VDR: variants seen among roughly 807,000 people sequenced by gnomAD.
The protein encoded by VDR is vitamin D3 receptor.
In VDR, 19 loss-of-function variants were observed where a neutral mutation model predicts 39.7. The observed-to-expected ratio is 0.48, with a 90% CI of 0.33 to 0.70. The LOEUF is 0.70. Among genes scored for constraint, VDR ranks in the 30% least tolerant of loss-of-function variants. The probability of loss-of-function intolerance (pLI) is 0.02; values close to 1 mark genes in which losing one functional copy is unlikely to be tolerated. For synonymous variants in VDR, 242 were observed against 215.8 expected (o/e 1.12, Z -1.07); for missense variants, 442 against 570.5 (o/e 0.77, Z 2.29).
chr12:47,885,389 G>A (rs1592143058), intron 1 of VDR, among the ~76,000 whole-genome samples: 4 of 152,248 alleles, frequency 2.6e-5, no homozygotes, highest in Admixed American at 2.6e-4. Context: ...ACGTCTGCCT[G>A]TCAGCCCACA....
chr12:47,879,263 G>A lies in VDR; in HGVS notation c.-2-148C>T, dbSNP rs992678530. 14 of 967,132 alleles carry A rather than the reference G, an allele frequency of 1.4e-5. No homozygotes were observed. In the African/African-American group the frequency reaches 1.7e-4, roughly 11 times the overall value. 59.9% of individuals were successfully genotyped at this position (967,132 alleles called of 1,614,324 possible). On this transcript the variant is annotated intron_variant, in intron 2 of 9. Transcript: ENST00000549336. ...CAGCAAGGGTGGGCATCTCCCCAGG[G>A]CCCAGGCCTGAGCACAGTGCCTTCG...
chr12:47,895,180 A>G (rs1946442054), intron 1 of VDR, among the ~76,000 whole-genome samples: 1 of 152,254 alleles, frequency 6.6e-6, no homozygotes, highest in South Asian at 2.1e-4. Context: ...GAGGAGGAAT[A>G]AATTCAGGTA....
intron 5 of VDR, 73 bp from the exon 6 acceptor site, chr12:47,857,322 G>T (rs1023180722): frequency 4.3e-6 from 7 of 1,612,272 alleles, no homozygotes; most frequent in Non-Finnish European, 5.9e-6. Context: ...ATCTCTGATA[G>T]GAATGGCTTT....
intron 3 of VDR, among the ~76,000 whole-genome samples, chr12:47,871,304 T>TTCTTTC (rs1481749072): frequency 8.1e-6 from 1 of 123,494 alleles, no homozygotes; most frequent in Non-Finnish European, 1.7e-5. Flanking sequence ...CTTTCTTTCT[T>TTCTTTC]TCTTTCTTTC....
intron 3 of VDR, among the ~76,000 whole-genome samples, chr12:47,871,317 T>C (rs1160451844): frequency 7.1e-6 from 1 of 140,384 alleles, no homozygotes; most frequent in Non-Finnish European, 1.5e-5. Context: ...TTTCTTTCTT[T>C]CTTTCTTTCT....
chr12:47,876,713 AGCC>A (rs1946013617), intron 3 of VDR, among the ~76,000 whole-genome samples: 1 of 152,262 alleles, frequency 6.6e-6, no homozygotes, highest in Non-Finnish European at 1.5e-5. Flanking sequence ...TTTCACACTC[AGCC>A]TGGGGCATGA....
At chr12:47,865,336 C>T (rs976289382) in intron 3 of VDR, among the ~76,000 whole-genome samples, 159 bp from the exon 4 acceptor site, 4 of 152,154 alleles carry the variant, frequency 2.6e-5, no homozygotes, top group Non-Finnish European at 5.9e-5. Flanking sequence ...CTAGGCTGGG[C>T]ACCAAACGAT....
rs1945200681 is a variant in VDR, at chr12:47,842,933, A to G, written c.*1813T>C. ...TACGTTCTGCAGCTAAAATCAAACA[A>G]GGGTCTCTCCCTAGACCCTTGTAAA... On this transcript the variant is annotated 3_prime_UTR_variant, in exon 10 of 10. Transcript: ENST00000549336. 1 of 152,248 alleles carries G rather than the reference A, an allele frequency of 6.6e-6. No homozygotes were observed. The highest frequency in any genetic ancestry group is 2.4e-5 in the African/African-American group (1 of 41,526). The allele number at this position is 152,248 out of a possible 1,614,324, so 9.4% of individuals were successfully genotyped here. A position where few individuals can be genotyped will look rare whatever the true frequency, so the allele number is the denominator to read the frequency against.
chr12:47,849,007 A>G (rs1945334138), intron 7 of VDR, among the ~76,000 whole-genome samples: 1 of 152,194 alleles, frequency 6.6e-6, no homozygotes, highest in African/African-American at 2.4e-5. Context: ...GAGGCCAATG[A>G]CTAGTTCCAC....
chr12:47,898,261 G>C (rs1946498084), intron 1 of VDR: 1 of 152,074 alleles, frequency 6.6e-6, no homozygotes, highest in South Asian at 2.1e-4. Context: ...CCAGAAATTG[G>C]GTCCCTAGGT....
chr12:47,902,594 A>G (rs1946586635), intron 1 of VDR, among the ~76,000 whole-genome samples: 1 of 152,190 alleles, frequency 6.6e-6, no homozygotes, highest in African/African-American at 2.4e-5. Context: ...GCAGGGACAA[A>G]TGGAAGCTGG....
intron 1 of VDR, among the ~76,000 whole-genome samples, chr12:47,903,847 G>A (rs759988469): frequency 5.9e-5 from 9 of 152,102 alleles, no homozygotes; most frequent in East Asian, 3.9e-4. Context: ...ATCCCTTCAC[G>A]GTCACCTCCT....
In VDR at chr12:47,842,070, C is replaced by T. The variant is rs1030881399; in HGVS notation, c.*2676G>A. On this transcript the variant is annotated 3_prime_UTR_variant, in exon 10 of 10. Coordinates refer to ENST00000549336, the MANE Select transcript of VDR (RefSeq NM_000376.3). ...GGTGGTGGGGCCCAGGGCTGAGTAA[C>T]TGATATTTCCAGGAGTTCCCCGAAG... 9 of 152,344 alleles carry T rather than the reference C, an allele frequency of 5.9e-5. No individual in the cohort carries two copies. Among genetic ancestry groups the T allele is most frequent in the Non-Finnish European group, 1.2e-4 (8 of 68,084 alleles). 9.4% of individuals were successfully genotyped at this position (152,344 alleles called of 1,614,324 possible).
chr12:47,878,796 G>A (rs1312241938), intron 3 of VDR, 172 bp downstream of exon 3: 2 of 1,023,328 alleles, frequency 2.0e-6, no homozygotes, highest in Non-Finnish European at 2.9e-6. Context: ...TGAGAGGAGG[G>A]AAAAGAAGAT....
At chr12:47,854,145 A>G (rs1486096047) in intron 7 of VDR, among the ~76,000 whole-genome samples, 1 of 152,086 alleles carries the variant, frequency 6.6e-6, no homozygotes, top group Non-Finnish European at 1.5e-5. Flanking sequence ...TTTTTGAGAC[A>G]GGGTCTTGCT....
chr12:47,890,444 G>A (rs1055898301), intron 1 of VDR, among the ~76,000 whole-genome samples: 9 of 150,926 alleles, frequency 6.0e-5, no homozygotes, highest in Non-Finnish European at 1.3e-4. Flanking sequence ...ACCTTCTAGA[G>A]CCAGCTCCTC....
intron 3 of VDR, 39 bp from the exon 4 acceptor site, chr12:47,865,216 C>A: frequency 6.2e-7 from 1 of 1,604,314 alleles, no homozygotes; most frequent in Admixed American, 1.7e-5. Flanking sequence ...GGTCACTGAA[C>A]TTCCGGCTCC....
rs566007841 is a variant in VDR at position 47,845,139 on chromosome 12, C to A, written c.1025-134G>T. 11 of 1,379,552 alleles carry A rather than the reference C, an allele frequency of 8.0e-6. No homozygotes were observed. The East Asian group carries it at 2.6e-4, about 32-fold the overall frequency. The allele number at this position is 1,379,552 out of a possible 1,614,324, so 85.5% of individuals were successfully genotyped here. ...AGGCCACCCCTCTATGACTGCTGAC[C>A]GGTGATACCACTGCCTGGCCCCAAA... On this transcript the variant is annotated intron_variant, in intron 9 of 9. Transcript: ENST00000549336.
rs1402849182 is a variant in VDR at position 47,902,912 on chromosome 12, G to C, written c.-84+2043C>G. Among the ~76,000 whole-genome samples the C allele has an allele frequency of 2.0e-5, 3 of 152,160 alleles. No homozygotes were observed. The East Asian group carries it at 5.8e-4, about 29-fold the overall frequency. On this transcript the variant is annotated intron_variant, in intron 1 of 9. Transcript: ENST00000549336. ...CTTTGGACACCTGCTATCTGTTCTG[G>C]GGGTAGAGTGTAGGGGTTCAGGAGG... is the stretch of plus-strand genomic sequence containing the variant.
Sources: allele counts gnomAD v4.1 joint callset (sites outside exome capture counted in the v4.1 genomes callset), GRCh38; gene constraint gnomAD v4.1.1; transcripts MANE v1.5; gene names NCBI Gene and HGNC (gene_info 2026-07-23, HGNC 2026-07-21).